Variants in HECW2 observed in about 807,000 individuals in gnomAD.
HECW2 encodes the protein E3 ubiquitin-protein ligase HECW2.
HECW2 carries 61 observed loss-of-function variants against 175.2 expected under a neutral mutation model. That is an observed-to-expected ratio of 0.35 (90% CI 0.28 to 0.43). HECW2 has a LOEUF of 0.43. Ranked by LOEUF, HECW2 falls within the 20% of genes least tolerant of loss-of-function variation. HECW2 has a pLI of 1.00. For missense variants in HECW2, 1,524 were observed against 2,000.5 expected, an observed-to-expected ratio of 0.76 and a Z score of 4.54; for synonymous variants, 671 against 731.0, an observed-to-expected ratio of 0.92 and a Z score of 1.32.
intron 2 of HECW2, among the ~76,000 whole-genome samples, chr2:196,356,443 A>G (rs1220131185): frequency 6.6e-6 from 1 of 152,222 alleles, no homozygotes; most frequent in Non-Finnish European, 1.5e-5. Context: ...TAGATTGTGT[A>G]CATTCTGAGT....
At chr2:196,509,856 T>C (rs1269747860) in intron 1 of HECW2, among the ~76,000 whole-genome samples, 1 of 152,182 alleles carries the variant, frequency 6.6e-6, no homozygotes, top group African/African-American at 2.4e-5. Flanking sequence ...GCAGGAGTGG[T>C]CTTGGCAAAC....
At chr2:196,390,820 T>C (rs573881639) in intron 2 of HECW2, among the ~76,000 whole-genome samples, 2 of 152,334 alleles carry the variant, frequency 1.3e-5, no homozygotes, top group East Asian at 3.9e-4. Flanking sequence ...GCAGGAATGT[T>C]GTTTTTACTT....
chr2:196,231,725 A>C (rs1367917722), intron 21 of HECW2, among the ~76,000 whole-genome samples: 1 of 152,228 alleles, frequency 6.6e-6, no homozygotes, highest in Non-Finnish European at 1.5e-5. Flanking sequence ...GCAGTGGCTC[A>C]CGCCTGTAAT....
chr2:196,525,704 C>T (rs1688615342), intron 1 of HECW2, among the ~76,000 whole-genome samples: 2 of 151,584 alleles, frequency 1.3e-5, no homozygotes, highest in South Asian at 2.1e-4. Flanking sequence ...ATTTGCTTGT[C>T]TGTGAAGTAT....
intron 21 of HECW2, among the ~76,000 whole-genome samples, chr2:196,236,914 A>G (rs10189797): frequency 0.028 from 4,315 of 152,198 alleles, 171 homozygotes; most frequent in African/African-American, 0.096. Context: ...CTCTTTCCAT[A>G]CTATACTATT....
intron 1 of HECW2, among the ~76,000 whole-genome samples, chr2:196,512,404 CTTTTTTT>C (rs1687984576): frequency 6.6e-6 from 1 of 151,934 alleles, no homozygotes; most frequent in Admixed American, 6.6e-5. Context: ...TAACTTTTTT[CTTTTTTT>C]GAGACATAGT....
At chr2:196,231,217 A>G (rs1375599109) in intron 21 of HECW2, among the ~76,000 whole-genome samples, 1 of 151,758 alleles carries the variant, frequency 6.6e-6, no homozygotes, top group Non-Finnish European at 1.5e-5. Flanking sequence ...GGTCAAAGTC[A>G]TCTTAGAAGT....
intron 2 of HECW2, among the ~76,000 whole-genome samples, chr2:196,398,223 A>G (rs2125198031): frequency 6.6e-6 from 1 of 152,316 alleles, no homozygotes; most frequent in East Asian, 1.9e-4. Context: ...TAAATGGGAA[A>G]GACTCATAAT....
At chr2:196,246,178 A>G (rs2105894829) in intron 19 of HECW2, among the ~76,000 whole-genome samples, 1 of 152,298 alleles carries the variant, frequency 6.6e-6, no homozygotes, top group East Asian at 1.9e-4. Flanking sequence ...GCTCTCCTAG[A>G]TGAATGAGGG....
chr2:196,578,123 C>A, intron 1 of HECW2, among the ~76,000 whole-genome samples: 1 of 151,742 alleles, frequency 6.6e-6, no homozygotes, highest in South Asian at 2.1e-4. Context: ...AATTAAAGTA[C>A]AGTATAAAAA....
chr2:196,496,922 G>T (rs1559143440), intron 1 of HECW2, among the ~76,000 whole-genome samples: 2 of 152,022 alleles, frequency 1.3e-5, no homozygotes, highest in Non-Finnish European at 2.9e-5. Context: ...CCTAGCATTT[G>T]CCAGACACTA....
chr2:196,455,203 T>C (rs549404016), intron 1 of HECW2, among the ~76,000 whole-genome samples: 2 of 152,270 alleles, frequency 1.3e-5, no homozygotes, highest in Admixed American at 1.3e-4. Flanking sequence ...CCAGCTAATT[T>C]TTGCATTTTT....
At chr2:196,461,388 TG>T (rs1182544929) in intron 1 of HECW2, among the ~76,000 whole-genome samples, 4 of 152,180 alleles carry the variant, frequency 2.6e-5, no homozygotes, top group Non-Finnish European at 4.4e-5. Flanking sequence ...AGAGAACAAC[TG>T]TAAATGTCAT....
intron 1 of HECW2, among the ~76,000 whole-genome samples, chr2:196,587,487 T>C (rs1371307756): frequency 6.6e-6 from 1 of 152,244 alleles, no homozygotes; most frequent in Non-Finnish European, 1.5e-5. Context: ...TGGGATTCAG[T>C]TCTCTAAGTA....
intron 1 of HECW2, among the ~76,000 whole-genome samples, chr2:196,552,100 G>T (rs1198822899): frequency 6.6e-6 from 1 of 152,168 alleles, no homozygotes; most frequent in African/African-American, 2.4e-5. Context: ...AGGAAACAAG[G>T]TATGACCTGT....
rs777995926 is a variant in HECW2 at position 196,433,214 on chromosome 2, C to T, written c.210G>A (p.Leu70=). Residue 70 remains leucine (L), a synonymous_variant, in exon 2 of 29, where the codon CTG becomes CTA. Transcript: ENST00000644978. ...AGATAATGAGGTTCTGGGCTTGCCC[C>T]AGCGTGTACTCGTACATGCTGGCAG... ...SLTASMYEYT[L]GQAQNLIIFW... 8 of 1,614,150 alleles carry T rather than the reference C, an allele frequency of 5.0e-6. No homozygotes were observed. The highest frequency in any genetic ancestry group is 6.8e-6 in the Non-Finnish European group (8 of 1,180,010).
chr2:196,306,871 G>A (rs1477844166), intron 12 of HECW2, among the ~76,000 whole-genome samples: 1 of 152,050 alleles, frequency 6.6e-6, no homozygotes, highest in Non-Finnish European at 1.5e-5. Flanking sequence ...TAAATGATCT[G>A]ATTCTTTTTC....
In HECW2 at chr2:196,410,510, T is replaced by G. The variant is rs191557206; in HGVS notation, c.292+22622A>C. 4.0e-5 allele frequency among the ~76,000 whole-genome samples: 6 copies of G among 151,512 alleles called. No homozygotes were observed. The East Asian group carries it at 1.2e-3, about 29-fold the overall frequency. On this transcript the variant is annotated intron_variant, in intron 2 of 28. Transcript: ENST00000644978. ...AGAGACTAAAACAAAAAGGGGGGAG[T>G]TTTTTAGGTCAGTCTGTTATGTCCG...
intron 1 of HECW2, among the ~76,000 whole-genome samples, chr2:196,559,954 A>T (rs1405838595): frequency 6.6e-6 from 1 of 152,190 alleles, no homozygotes; most frequent in African/African-American, 2.4e-5. Flanking sequence ...TCACAAGATG[A>T]GTCTTTATCT....
Sources: allele counts gnomAD v4.1 joint callset (sites outside exome capture counted in the v4.1 genomes callset), GRCh38; gene constraint gnomAD v4.1.1; transcripts MANE v1.5; gene names NCBI Gene and HGNC (gene_info 2026-07-23, HGNC 2026-07-21).